The following RPS6KA2 variants were observed in gnomAD, a reference collection of about 807,000 sequenced individuals.
RPS6KA2 encodes the protein ribosomal protein S6 kinase alpha-2.
In RPS6KA2, 42 loss-of-function variants were observed where a neutral mutation model predicts 91.8. The observed-to-expected ratio is 0.46, with a 90% CI of 0.36 to 0.59. RPS6KA2 has a LOEUF of 0.59. Among genes scored for constraint, RPS6KA2 ranks in the 20% least tolerant of loss-of-function variants. RPS6KA2 has a pLI of 0.00. For synonymous variants in RPS6KA2, 414 were observed against 393.6 expected (o/e 1.05, Z -0.61); for missense variants, 798 against 978.5 (o/e 0.82, Z 2.46).
intron 1 of RPS6KA2, among the ~76,000 whole-genome samples, chr6:166,589,713 A>AGTGTG (rs1290019129): frequency 6.6e-6 from 1 of 152,246 alleles, no homozygotes; most frequent in Non-Finnish European, 1.5e-5. Context: ...TGTCTCCAGC[A>AGTGTG]TCTCTGCATG....
At chr6:166,590,538 C>T (rs1327776326) in intron 1 of RPS6KA2, among the ~76,000 whole-genome samples, 3 of 152,144 alleles carry the variant, frequency 2.0e-5, no homozygotes, top group Non-Finnish European at 4.4e-5. Context: ...AATTGAAATC[C>T]TCATTGAGGA....
intron 2 of RPS6KA2, among the ~76,000 whole-genome samples, chr6:166,656,427 C>T (rs1272091746): frequency 1.3e-5 from 2 of 152,196 alleles, no homozygotes; most frequent in Non-Finnish European, 2.9e-5. Context: ...ACTCGGTTCA[C>T]CCCAGGGGCC....
At chr6:166,551,002 A>AAAAAAAAAAAAAAAAC (rs1784004902) in intron 1 of RPS6KA2, among the ~76,000 whole-genome samples, 1 of 151,378 alleles carries the variant, frequency 6.6e-6, no homozygotes, top group Non-Finnish European at 1.5e-5. Flanking sequence ...CTCAAAAAAA[A>AAAAAAAAAAAAAAAAC]AAAAAAAAAG....
At chr6:166,593,982 C>T (rs558597663) in intron 1 of RPS6KA2, among the ~76,000 whole-genome samples, 8 of 152,240 alleles carry the variant, frequency 5.3e-5, no homozygotes, top group African/African-American at 1.7e-4. Context: ...ATTCCATTCC[C>T]GACAATTTAC....
rs1311408394 is a variant in RPS6KA2 at position 166,726,784 on chromosome 6, C to G, written c.123+131416G>C. 1.3e-5 allele frequency among the ~76,000 whole-genome samples: 2 copies of G among 152,192 alleles called. No homozygotes were observed. The highest frequency in any genetic ancestry group is 2.4e-5 in the African/African-American group (1 of 41,434). On this transcript the variant is annotated intron_variant, in intron 2 of 21. Coordinates refer to the RPS6KA2 transcript ENST00000503859. This position sits in a 1 kb window ranked among gnomAD's most constrained non-coding sequence, Gnocchi z 4.4. Reference sequence around the variant, plus strand: ...GCTTTAAAACTGAACACGGCAACAACTCTAGGTGAGGAGTGTTTGGCAGAT... The same window carrying G: ...GCTTTAAAACTGAACACGGCAACAAGTCTAGGTGAGGAGTGTTTGGCAGAT...
chr6:166,589,863 A>C (rs1349726717), intron 1 of RPS6KA2, among the ~76,000 whole-genome samples: 2 of 152,212 alleles, frequency 1.3e-5, no homozygotes, highest in Non-Finnish European at 2.9e-5. Context: ...CTGTGGCATG[A>C]ACAGAATGGA....
intron 1 of RPS6KA2, among the ~76,000 whole-genome samples, chr6:166,595,836 TA>T (rs1785516587): frequency 6.6e-6 from 1 of 152,212 alleles, no homozygotes; most frequent in Non-Finnish European, 1.5e-5. Flanking sequence ...TTCAATGTAT[TA>T]CCAATAAAGG....
chr6:166,684,594 G>T (rs1788948978), intron 2 of RPS6KA2, among the ~76,000 whole-genome samples: 1 of 152,092 alleles, frequency 6.6e-6, no homozygotes, highest in Admixed American at 6.5e-5. Context: ...GAAGACCAGA[G>T]ACCAAAGGTG....
intron 1 of RPS6KA2, among the ~76,000 whole-genome samples, chr6:166,583,906 T>C (rs1232813547): frequency 1.3e-5 from 2 of 152,220 alleles, no homozygotes; most frequent in Non-Finnish European, 2.9e-5. Context: ...ACACAGTTGC[T>C]TTAGCTCAAG....
chr6:166,794,600 C>A (rs536157222), intron 2 of RPS6KA2, among the ~76,000 whole-genome samples: 1 of 149,986 alleles, frequency 6.7e-6, no homozygotes, highest in South Asian at 2.2e-4. Context: ...GACTTGGAAC[C>A]AACCCAAATG....
At chr6:166,759,489 G>A (rs993540074) in intron 2 of RPS6KA2, among the ~76,000 whole-genome samples, 4 of 152,086 alleles carry the variant, frequency 2.6e-5, no homozygotes, top group African/African-American at 9.7e-5. Context: ...TAATAACACG[G>A]GGAGATTAAT....
chr6:166,731,214 T>C (rs1017865051), intron 2 of RPS6KA2, among the ~76,000 whole-genome samples: 2 of 151,520 alleles, frequency 1.3e-5, no homozygotes, highest in Admixed American at 1.3e-4. Flanking sequence ...TGCACTCCAG[T>C]CTGGGCAACA....
At chr6:166,788,012 G>A (rs1212637341) in intron 2 of RPS6KA2, among the ~76,000 whole-genome samples, 12 of 146,012 alleles carry the variant, frequency 8.2e-5, no homozygotes, top group Non-Finnish European at 1.5e-4. Context: ...TCAAAAAGTC[G>A]GCAAAGGATA....
At chr6:166,681,692 C>G (rs796746077) in intron 2 of RPS6KA2, among the ~76,000 whole-genome samples, 2 of 3,074 alleles carry the variant, frequency 6.5e-4, no homozygotes, top group East Asian at 0.016. Flanking sequence ...CCCTGCCCGC[C>G]CCCCCCCCCG....
chr6:166,547,055 C>A (rs965720835), intron 1 of RPS6KA2, among the ~76,000 whole-genome samples: 3 of 152,142 alleles, frequency 2.0e-5, no homozygotes, highest in Non-Finnish European at 4.4e-5. Flanking sequence ...CTCAAGCGAT[C>A]CTTCCACCTC....
intron 1 of RPS6KA2, among the ~76,000 whole-genome samples, chr6:166,555,292 A>G (rs1012250336): frequency 3.9e-5 from 6 of 152,190 alleles, no homozygotes; most frequent in African/African-American, 1.4e-4. Flanking sequence ...GAAAAGTCAC[A>G]TAGCTCTAGA....
chr6:166,427,985 C>T (rs967055417), intron 16 of RPS6KA2, among the ~76,000 whole-genome samples: 31 of 148,082 alleles, frequency 2.1e-4, no homozygotes, highest in Middle Eastern at 3.4e-3. Context: ...AAGAGCCGCC[C>T]GCATCGCCAA....
At position 166,423,156 on chromosome 6, in the gene RPS6KA2, G is replaced by T; in HGVS notation, c.1743+100C>A. On this transcript the variant is annotated intron_variant, in intron 17 of 20. Coordinates refer to ENST00000265678, the MANE Select transcript of RPS6KA2 (RefSeq NM_021135.6). This position sits in a 1 kb window ranked among gnomAD's most constrained non-coding sequence, Gnocchi z 4.8. ...CACCACTGCTGACGCAGCTCAAGCC[G>T]CCTCTGACATCCCCGCTGTCCGGTG... is the stretch of plus-strand genomic sequence containing the variant. 2.3e-6 allele frequency: 3 copies of T among 1,289,022 alleles called. No homozygotes were observed. The highest frequency in any genetic ancestry group is 3.2e-6 in the Non-Finnish European group (3 of 943,466). 79.8% of individuals were successfully genotyped at this position (1,289,022 alleles called of 1,614,324 possible).
rs9459701 is a variant in RPS6KA2, at chr6:166,626,622, T to A, written c.99+299A>T. On this transcript the variant is annotated intron_variant, in intron 1 of 20. Transcript: ENST00000265678. The surrounding 1 kb of genome is among the most constrained non-coding windows in gnomAD (Gnocchi z 4.1). ...GAGAAAGCCCCTCCTCACCCGGGGCTCCCTGTGGCCCACAGGGGACCATCC... is the reference window on the plus strand; with the variant it reads ...GAGAAAGCCCCTCCTCACCCGGGGCACCCTGTGGCCCACAGGGGACCATCC... Among the ~76,000 whole-genome samples, 26,884 of 152,100 alleles carry A rather than the reference T, an allele frequency of 0.18. 2,418 individuals carry two copies. Among genetic ancestry groups the A allele is most frequent in the East Asian group, 0.22 (1,131 of 5,136 alleles).
Sources: gnomAD v4.1 joint callset for allele counts (sites outside exome capture counted in the v4.1 genomes callset) on GRCh38, gnomAD v4.1.1 for gene constraint, Gnocchi (gnomAD v3.1) non-coding constraint, MANE v1.5 for transcripts, NCBI Gene and HGNC (gene_info 2026-07-23, HGNC 2026-07-21) for gene names.